AKAP6: variants seen among roughly 807,000 people sequenced by gnomAD.
AKAP6 encodes A-kinase anchor protein 6.
AKAP6 carries 58 observed loss-of-function variants against 188.5 expected under a neutral mutation model. That is an observed-to-expected ratio of 0.31 (90% CI 0.25 to 0.38). The LOEUF is 0.38. AKAP6 is among the 10% of genes least tolerant of loss of function. The probability of loss-of-function intolerance (pLI) is 1.00; values close to 1 mark genes in which losing one functional copy is unlikely to be tolerated. For synonymous variants in AKAP6, 989 were observed against 998.6 expected (o/e 0.99, Z 0.18); for missense variants, 2,710 against 2,740.0 (o/e 0.99, Z 0.24).
At chr14:32,446,111 TAAG>T (rs960577537) in intron 2 of AKAP6, among the ~76,000 whole-genome samples, 3 of 152,228 alleles carry the variant, frequency 2.0e-5, no homozygotes, top group Admixed American at 6.5e-5. Context: ...GTCATTACCA[TAAG>T]AAGAGATTCA....
intron 4 of AKAP6, among the ~76,000 whole-genome samples, chr14:32,565,433 C>T (rs1884142797): frequency 1.3e-5 from 2 of 152,224 alleles, no homozygotes; most frequent in South Asian, 4.1e-4. Context: ...TCCATCAAAT[C>T]CAATTAGTCC....
chr14:32,787,701 T>TA (rs573013322), intron 12 of AKAP6, among the ~76,000 whole-genome samples: 7 of 152,214 alleles, frequency 4.6e-5, no homozygotes, highest in Middle Eastern at 3.4e-3. Flanking sequence ...AGATCGCTGT[T>TA]AAAAAAAGTC....
chr14:32,622,662 T>C (rs1424510306), intron 7 of AKAP6, among the ~76,000 whole-genome samples: 2 of 152,168 alleles, frequency 1.3e-5, no homozygotes, highest in Non-Finnish European at 2.9e-5. Flanking sequence ...AATAATGTTC[T>C]ATACAACATT....
chr14:32,652,397 A>G (rs928814706), intron 7 of AKAP6, among the ~76,000 whole-genome samples: 3 of 151,624 alleles, frequency 2.0e-5, no homozygotes, highest in South Asian at 2.1e-4. Context: ...GCCTTTATCT[A>G]TTTATGTCTA....
intron 2 of AKAP6, among the ~76,000 whole-genome samples, chr14:32,533,491 C>T (rs1882524059): frequency 6.6e-6 from 1 of 152,050 alleles, no homozygotes; most frequent in Non-Finnish European, 1.5e-5. Context: ...TGGGCAGAAT[C>T]AGGTTTGGGT....
At chr14:32,597,381 G>A (rs940870871) in intron 5 of AKAP6, among the ~76,000 whole-genome samples, 23 of 152,064 alleles carry the variant, frequency 1.5e-4, no homozygotes, top group African/African-American at 4.6e-4. Context: ...CCTAAATATT[G>A]GTGCTCTTGG....
chr14:32,726,126 A>G (rs944239711), intron 9 of AKAP6: 1 of 948,522 alleles, frequency 1.1e-6, no homozygotes, highest in Non-Finnish European at 1.3e-6. Context: ...CACACTAGAA[A>G]ATAGTTATTT....
intron 1 of AKAP6, among the ~76,000 whole-genome samples, chr14:32,357,623 A>G (rs1431266604): frequency 1.3e-5 from 2 of 152,244 alleles, no homozygotes; most frequent in African/African-American, 2.4e-5. Flanking sequence ...ACAGCATACA[A>G]TCAAATCTTG....
At chr14:32,759,554 A>G (rs1217069442) in intron 11 of AKAP6, among the ~76,000 whole-genome samples, 1 of 152,204 alleles carries the variant, frequency 6.6e-6, no homozygotes, top group Non-Finnish European at 1.5e-5. Context: ...ATAAAGAGAT[A>G]CCTGAGACTG....
chr14:32,699,998 G>A (rs1890559177), intron 9 of AKAP6, among the ~76,000 whole-genome samples: 1 of 152,160 alleles, frequency 6.6e-6, no homozygotes, highest in East Asian at 1.9e-4. Flanking sequence ...ACCCACTTGT[G>A]AAGGAAAAGC....
At chr14:32,622,140 T>C (rs1886838338) in intron 7 of AKAP6, among the ~76,000 whole-genome samples, 1 of 152,184 alleles carries the variant, frequency 6.6e-6, no homozygotes, top group Non-Finnish European at 1.5e-5. Flanking sequence ...ACTGTACTAC[T>C]ATCTAGTTAG....
chr14:32,341,829 T>G (rs1037776007), intron 1 of AKAP6, among the ~76,000 whole-genome samples: 11 of 152,076 alleles, frequency 7.2e-5, no homozygotes, highest in Non-Finnish European at 1.3e-4. Context: ...GAGACCAGCC[T>G]GAGCAAAAAA....
chr14:32,617,171 A>C (rs1886615660), intron 7 of AKAP6, among the ~76,000 whole-genome samples: 1 of 152,084 alleles, frequency 6.6e-6, no homozygotes, highest in African/African-American at 2.4e-5. Flanking sequence ...TGTTCCTTTG[A>C]TGCTCCCTTT....
intron 11 of AKAP6, among the ~76,000 whole-genome samples, chr14:32,761,855 A>G (rs950213500): frequency 6.6e-6 from 1 of 152,124 alleles, no homozygotes; most frequent in East Asian, 1.9e-4. Context: ...AAGATCTATT[A>G]AAAGCAAAGA....
intron 13 of AKAP6, among the ~76,000 whole-genome samples, chr14:32,826,398 G>A (rs1461641843): frequency 3.3e-5 from 5 of 152,136 alleles, no homozygotes; most frequent in Non-Finnish European, 7.4e-5. Flanking sequence ...GACCATTAAG[G>A]GAGAGTAACT....
At chr14:32,536,305 A>G (rs1319306936) in intron 3 of AKAP6, among the ~76,000 whole-genome samples, 1 of 152,196 alleles carries the variant, frequency 6.6e-6, no homozygotes, top group Non-Finnish European at 1.5e-5. Flanking sequence ...TCTACCTGAG[A>G]CGTAAAGGAG....
intron 5 of AKAP6, 40 bp downstream of exon 5, chr14:32,577,282 G>C (rs750398666): frequency 3.0e-5 from 48 of 1,589,420 alleles, no homozygotes; most frequent in Non-Finnish European, 3.8e-5. Context: ...AATAATCAAA[G>C]GATTTTAATG....
At chr14:32,697,484 A>G (rs980392153) in intron 9 of AKAP6, among the ~76,000 whole-genome samples, 1 of 152,186 alleles carries the variant, frequency 6.6e-6, no homozygotes, top group Non-Finnish European at 1.5e-5. Context: ...CACATTTCAC[A>G]TCAGGATCAG....
rs927686902 is a variant in AKAP6, at chr14:32,822,867, C to T, written c.5054C>T (p.Ala1685Val). 1.9e-5 allele frequency: 30 copies of T among 1,613,746 alleles called. No homozygotes were observed. Among genetic ancestry groups the T allele is most frequent in the Middle Eastern group, 1.6e-4 (1 of 6,082 alleles). The change falls in exon 13 of 14, where the codon GCG (alanine) becomes GTG (valine). Residue 1685 changes from alanine (A) to valine (V), a missense_variant. Coordinates refer to ENST00000280979, the MANE Select transcript of AKAP6 (RefSeq NM_004274.5). ...DIASSINEDS[A>V]ASLTELSSSD... ...GCATCTTCTATCAATGAAGACTCAGCGGCATCTCTAACAGAACTTAGCAGC... is the reference window on the plus strand; with the variant it reads ...GCATCTTCTATCAATGAAGACTCAGTGGCATCTCTAACAGAACTTAGCAGC...
Sources: gnomAD v4.1 joint callset for allele counts (sites outside exome capture counted in the v4.1 genomes callset) on GRCh38, gnomAD v4.1.1 for gene constraint, MANE v1.5 for transcripts, NCBI Gene and HGNC (gene_info 2026-07-23, HGNC 2026-07-21) for gene names.